The following ABHD11 variants were observed in gnomAD, a reference collection of about 807,000 sequenced individuals.
ABHD11 encodes sn-1-specific diacylglycerol lipase ABHD11.
ABHD11 carries 26 observed loss-of-function variants against 29.0 expected under a neutral mutation model. The ratio of observed to expected loss-of-function variants is 0.90; its 90% CI spans 0.66 to 1.24. ABHD11 has a LOEUF of 1.24. Among genes scored for constraint, ABHD11 ranks in the 50% most tolerant of loss-of-function variants. ABHD11 has a pLI of 0.00. For missense variants in ABHD11, 381 were observed against 422.4 expected (o/e 0.90, Z 0.86); for synonymous variants, 169 against 166.4 (o/e 1.02, Z -0.12).
chr7:73,736,435 T>C lies in ABHD11; in HGVS notation c.*124A>G. On this transcript the variant is annotated 3_prime_UTR_variant, in exon 6 of 6. Transcript: ENST00000222800. ...TTGTATTTTTAGTAGAGACAGGGTT[T>C]CACCATGTTGGCCAGGCTGGTCTCC... is the stretch of plus-strand genomic sequence containing the variant. 3.1e-6 allele frequency: 4 copies of C among 1,304,886 alleles called. No individual in the cohort carries two copies. The highest frequency in any genetic ancestry group is 4.2e-6 in the Non-Finnish European group (4 of 942,346). 80.8% of individuals were successfully genotyped at this position (1,304,886 alleles called of 1,614,324 possible).
rs1554622950 is a variant in ABHD11, at chr7:73,738,634, C to G, written c.125+12G>C. The G allele has an allele frequency of 6.3e-7, 1 of 1,589,978 alleles. No individual in the cohort carries two copies. The highest frequency in any genetic ancestry group is 1.1e-5 in the South Asian group (1 of 88,174). ...ACAGAGGATGGCCTCCCGCCCGGTGCCCTTGACTGACCTCGGCTCGGCGCC... is the reference window on the plus strand; with the variant it reads ...ACAGAGGATGGCCTCCCGCCCGGTGGCCTTGACTGACCTCGGCTCGGCGCC... On this transcript the variant is annotated intron_variant, in intron 1 of 5. Transcript: ENST00000222800.
chr7:73,736,179 C>T lies in ABHD11; in HGVS notation c.*380G>A, dbSNP rs1554621584. On this transcript the variant is annotated 3_prime_UTR_variant, in exon 6 of 6. Transcript: ENST00000222800. The stretch of plus-strand genomic sequence containing the variant: ...TGCCCACACAGTGCCTGTCTGAGTC[C>T]TTCTGTGCCCAAATGTGGAGCAGGC... The T allele has an allele frequency of 6.5e-6, 3 of 459,258 alleles. No homozygotes were observed. Among genetic ancestry groups the T allele is most frequent in the East Asian group, 6.9e-5 (1 of 14,584 alleles). The allele number at this position is 459,258 out of a possible 1,614,324, so 28.4% of individuals were successfully genotyped here.
In ABHD11 at chr7:73,737,008, T is replaced by G; in HGVS notation, c.709A>C (p.Ile237Leu). Residue 237 changes from isoleucine to leucine, a missense_variant, in exon 5 of 6, where the codon ATC (isoleucine) becomes CTC (leucine). Coordinates refer to ENST00000222800, the MANE Select transcript of ABHD11 (RefSeq NM_148912.4). ...TCCTGCCTCTGTGGGAAAGCCAAGATCTTGTCTAGGTGCTGGGTCAGGGCA... is the reference window on the plus strand; with the variant it reads ...TCCTGCCTCTGTGGGAAAGCCAAGAGCTTGTCTAGGTGCTGGGTCAGGGCA... ...LDALTQHLDK[I>L]LAFPQRQESY... The G allele has an allele frequency of 6.2e-7, 1 of 1,613,546 alleles. No individual in the cohort carries two copies. Among genetic ancestry groups the G allele is most frequent in the Non-Finnish European group, 8.5e-7 (1 of 1,179,830 alleles).
intron 3 of ABHD11, 55 bp from the exon 4 acceptor site, chr7:73,737,446 G>A (rs1554622312): frequency 2.5e-6 from 4 of 1,576,074 alleles, no homozygotes; most frequent in Admixed American, 3.5e-5. Context: ...GGAGTCTCAG[G>A]CATGGCTCCT....
At position 73,737,282 on chromosome 7, in the gene ABHD11, T is replaced by A. The variant is rs1228408451; in HGVS notation, c.545A>T (p.Asp182Val). 6.2e-7 allele frequency: 1 copy of A among 1,614,020 alleles called. No individual in the cohort carries two copies. The highest frequency in any genetic ancestry group is 8.5e-7 in the Non-Finnish European group (1 of 1,180,050). The stretch of plus-strand genomic sequence containing the variant: ...TCGGGCACGGGAGCGGGGCAGCTCA[T>A]CTGCGATGTTGATGGCCCTCATGGC... ...VAAMRAINIA[D>V]ELPRSRARKL... The change falls in exon 4 of 6, where the codon GAT becomes GTT. Residue 182 changes from aspartate (D) to valine (V), a missense_variant. Coordinates refer to ENST00000222800, the MANE Select transcript of ABHD11 (RefSeq NM_148912.4).
chr7:73,736,890 G>C (rs2293484), intron 5 of ABHD11, 39 bp downstream of exon 5: 479,284 of 1,599,480 alleles, frequency 0.3, 76,609 homozygotes, highest in African/African-American at 0.48. Context: ...GGGCCTGGGC[G>C]AGTAAAGCAT....
At position 73,736,693 on chromosome 7, in the gene ABHD11, T is replaced by C. The variant is rs941372686; in HGVS notation, c.789-2A>G. The C allele has an allele frequency of 6.2e-7, 1 of 1,613,604 alleles. No homozygotes were observed. Among genetic ancestry groups the C allele is most frequent in the Non-Finnish European group, 8.5e-7 (1 of 1,180,002 alleles). On this transcript the variant is annotated splice_acceptor_variant, in intron 5 of 5. Coordinates refer to ENST00000222800, the MANE Select transcript of ABHD11 (RefSeq NM_148912.4). LOFTEE classifies it high-confidence loss of function. Reference sequence around the variant, plus strand: ...ATAATCTCAGGGTGGTGGCTGGGACTGTGCATCGCAGCGACGGCCATCAAA... The same window carrying C: ...ATAATCTCAGGGTGGTGGCTGGGACCGTGCATCGCAGCGACGGCCATCAAA...
At chr7:73,737,539 G>C in intron 3 of ABHD11, 23 bp downstream of exon 3, 1 of 1,578,904 alleles carries the variant, frequency 6.3e-7, no homozygotes, top group Non-Finnish European at 8.6e-7. Flanking sequence ...AATGGGAGGA[G>C]GCCCCAGACA....
At position 73,737,358 on chromosome 7, in the gene ABHD11, T is replaced by A. The variant is rs782814264; in HGVS notation, c.469A>T (p.Ile157Phe). 26 of 1,613,730 alleles carry A rather than the reference T, an allele frequency of 1.6e-5. No homozygotes were observed. The highest frequency in any genetic ancestry group is 2.1e-5 in the Non-Finnish European group (25 of 1,180,008). The change falls in exon 4 of 6, where the codon ATC (isoleucine) becomes TTC (phenylalanine). Residue 157 changes from isoleucine to phenylalanine, a missense_variant. Transcript: ENST00000222800. Reference protein sequence around the residue: ...ELVERLIAVDISPVESTGVSH... With the variant: ...ELVERLIAVDFSPVESTGVSH... ...ACACCTGTGCTTTCCACTGGGCTGA[T>A]ATCTACAGCAATGAGACGTTCCACC...
At chr7:73,736,833 AC>A (rs1400480935) in intron 5 of ABHD11, 95 bp downstream of exon 5, 17 of 1,569,806 alleles carry the variant, frequency 1.1e-5, no homozygotes, top group African/African-American at 9.5e-5. Context: ...CCTCTCAGCC[AC>A]CCCCCTTCCA....
chr7:73,738,663 T>C lies in ABHD11; in HGVS notation c.108A>G (p.Arg36=), dbSNP rs1554622986. Residue 36 remains arginine (R), a synonymous_variant, in exon 1 of 6, where the codon CGA becomes CGG. Coordinates refer to ENST00000222800, the MANE Select transcript of ABHD11 (RefSeq NM_148912.4). The stretch of plus-strand genomic sequence containing the variant: ...TGACTGACCTCGGCTCGGCGCCCCC[T>C]CGGCCGCCGCTGCTGCTGCTGGGTG... ...PVAPSSSSGG[R]GGAEPRPLPL... 2 of 1,594,276 alleles carry C rather than the reference T, an allele frequency of 1.3e-6. No homozygotes were observed. Among genetic ancestry groups the C allele is most frequent in the South Asian group, 2.3e-5 (2 of 88,722 alleles).
In ABHD11 at chr7:73,737,382, C is replaced by A; in HGVS notation, c.445G>T (p.Val149Leu). 1 of 1,611,688 alleles carries A rather than the reference C, an allele frequency of 6.2e-7. No homozygotes were observed. Among genetic ancestry groups the A allele is most frequent in the Non-Finnish European group, 8.5e-7 (1 of 1,178,590 alleles). ...MLLALQRPEL[V>L]ERLIAVDISP... ...ATATCTACAGCAATGAGACGTTCCA[C>A]CAGCTCTGGCTGTGGGAGAGAACCG... Residue 149 changes from valine to leucine, a missense_variant, in exon 4 of 6, where the codon GTG becomes TTG. Coordinates refer to ENST00000222800, the MANE Select transcript of ABHD11 (RefSeq NM_148912.4).
chr7:73,737,129 T>A lies in ABHD11; in HGVS notation c.607-19A>T. The A allele has an allele frequency of 6.2e-7, 1 of 1,613,650 alleles. No homozygotes were observed. Among genetic ancestry groups the A allele is most frequent in the Admixed American group, 1.7e-5 (1 of 59,996 alleles). ...CCATGTCCTGTGGGGGTGCAGCAGTTGGGGGAGGTTCCTTGTGCGGTCTGG... is the reference window on the plus strand; with the variant it reads ...CCATGTCCTGTGGGGGTGCAGCAGTAGGGGGAGGTTCCTTGTGCGGTCTGG... On this transcript the variant is annotated intron_variant, in intron 4 of 5. Coordinates refer to ENST00000222800, the MANE Select transcript of ABHD11 (RefSeq NM_148912.4).
intron 5 of ABHD11, 63 bp from the exon 6 acceptor site, chr7:73,736,754 A>T (rs1177613280): frequency 1.9e-6 from 3 of 1,609,396 alleles, no homozygotes; most frequent in Non-Finnish European, 2.5e-6. Flanking sequence ...AGTGAAAGAG[A>T]CACGTGGAAG....
In ABHD11 at chr7:73,737,694, G is replaced by A; in HGVS notation, c.303C>T (p.His101=). ...TGATCTCGTAGCTCATGTCTGGGCT[G>A]TGGGGGCTGTCACCGTGGTTACGAG... is the stretch of plus-strand genomic sequence containing the variant. ...VDARNHGDSP[H]SPDMSYEIMS... is the part of the protein sequence containing the mutation. Residue 101 remains histidine (H), a synonymous_variant, in exon 3 of 6, where the codon CAC becomes CAT. Coordinates refer to ENST00000222800, the MANE Select transcript of ABHD11 (RefSeq NM_148912.4). 1 of 1,613,928 alleles carries A rather than the reference G, an allele frequency of 6.2e-7. No homozygotes were observed.
In ABHD11 at chr7:73,736,528, C is replaced by T. The variant is rs527583695; in HGVS notation, c.*31G>A. Reference sequence around the variant, plus strand: ...GTGCTGGAATTACAGGCATGAGCCACCACGCCCGGCCATCTTCTTGCCAGC... The same window carrying T: ...GTGCTGGAATTACAGGCATGAGCCATCACGCCCGGCCATCTTCTTGCCAGC... On this transcript the variant is annotated 3_prime_UTR_variant, in exon 6 of 6. Coordinates refer to ENST00000222800, the MANE Select transcript of ABHD11 (RefSeq NM_148912.4). The T allele has an allele frequency of 1.2e-4, 199 of 1,611,834 alleles. 1 individual carries two copies. The South Asian group carries it at 2.1e-3, about 17-fold the overall frequency.
Position 73,737,628 on chromosome 7 carries a change from CA to C in ABHD11, c.368del (p.Leu123ArgfsTer33). ...DLQDLLPQLGLVPCVVVGHSM... is the reference protein window; with the variant it reads ...DLQDLLPQLGXVPCVVVGHSM... ...TGTGGCCAACGACGACGCAGGGCACCAGGCCCAGCTGGGGCAGAAGGTCCTG... is the reference window on the plus strand; with the variant it reads ...TGTGGCCAACGACGACGCAGGGCACCGGCCCAGCTGGGGCAGAAGGTCCTG... On this transcript the variant is annotated frameshift_variant, in exon 3 of 6. Transcript: ENST00000222800. LOFTEE classifies it high-confidence loss of function. 1.9e-6 allele frequency: 3 copies of C among 1,614,024 alleles called. No individual in the cohort carries two copies. Among genetic ancestry groups the C allele is most frequent in the Non-Finnish European group, 2.5e-6 (3 of 1,179,974 alleles).
At position 73,736,923 on chromosome 7, in the gene ABHD11, G is replaced by A. The variant is rs549400556; in HGVS notation, c.788+6C>T. ...CATGCCCCTCCTACTACCCAGGCTA[G>A]CTTACTGCACGAACTGGGAGTTTCC... On this transcript the variant is annotated splice_donor_region_variant and intron_variant, in intron 5 of 5. Transcript: ENST00000222800. 4 of 1,612,584 alleles carry A rather than the reference G, an allele frequency of 2.5e-6. No homozygotes were observed. The Admixed American group carries it at 6.7e-5, about 27-fold the overall frequency.
Position 73,738,793 on chromosome 7 carries a change from C to G in ABHD11, c.-23G>C, listed in dbSNP as rs782231905. ...CATGCTTGCAAGCTGTTGGCCGGCTCGCATCTCACAAGGTACGTCCTCCCC... is the reference window on the plus strand; with the variant it reads ...CATGCTTGCAAGCTGTTGGCCGGCTGGCATCTCACAAGGTACGTCCTCCCC... On this transcript the variant is annotated 5_prime_UTR_variant, in exon 1 of 6. Coordinates refer to ENST00000222800, the MANE Select transcript of ABHD11 (RefSeq NM_148912.4). 1 of 1,591,250 alleles carries G rather than the reference C, an allele frequency of 6.3e-7. No individual in the cohort carries two copies. The highest frequency in any genetic ancestry group is 8.6e-7 in the Non-Finnish European group (1 of 1,168,028).
Sources: allele counts gnomAD v4.1 joint callset, GRCh38; gene constraint gnomAD v4.1.1; transcripts MANE v1.5; gene names NCBI Gene and HGNC (gene_info 2026-07-23, HGNC 2026-07-21).